Variants in ABCG2 observed in about 807,000 individuals in gnomAD.
The protein encoded by ABCG2 is broad substrate specificity ATP-binding cassette transporter ABCG2.
Under a neutral mutation model 73.5 loss-of-function variants are expected in ABCG2, and 80 were observed. That is an observed-to-expected ratio of 1.09 (90% CI 0.91 to 1.31). The LOEUF (loss-of-function observed/expected upper bound fraction) is 1.31. ABCG2 is among the 50% of genes most tolerant of loss of function. The pLI, the probability that ABCG2 is intolerant of heterozygous loss-of-function variation, is 0.00. For synonymous variants in ABCG2, 269 were observed against 282.4 expected (o/e 0.95, Z 0.48); for missense variants, 796 against 786.2 (o/e 1.01, Z -0.15).
intron 1 of ABCG2, among the ~76,000 whole-genome samples, chr4:88,181,522 A>G (rs1429851916): frequency 1.3e-5 from 2 of 152,094 alleles, no homozygotes; most frequent in African/African-American, 4.8e-5. Flanking sequence ...CTTGAGCCCA[A>G]GAGTTCAAGA....
intron 2 of ABCG2, among the ~76,000 whole-genome samples, chr4:88,133,112 C>T (rs760158182): frequency 1.2e-4 from 18 of 152,198 alleles, no homozygotes; most frequent in Non-Finnish European, 2.1e-4. Flanking sequence ...ATCTCCGTTA[C>T]ACTTACTGCT....
In ABCG2 at chr4:88,139,801, C is replaced by T. The variant is rs369630458; in HGVS notation, c.195G>A (p.Ser65=). ...CAAGTTCATGTACATACTTGATATT[C>T]GATAATATTTCTTTCTCAACTGGTT... is the stretch of plus-strand genomic sequence containing the variant. ...CRKPVEKEIL[S]NINGIMKPGL... Residue 65 remains serine, a synonymous_variant, in exon 2 of 16, where the codon TCG becomes TCA. Coordinates refer to ENST00000237612, the MANE Select transcript of ABCG2 (RefSeq NM_004827.3). 3.8e-5 allele frequency: 62 copies of T among 1,612,876 alleles called. No individual in the cohort carries two copies. Among genetic ancestry groups the T allele is most frequent in the African/African-American group, 8.0e-5 (6 of 74,888 alleles).
chr4:88,114,189 AAAAG>A (rs1305321000), intron 8 of ABCG2, among the ~76,000 whole-genome samples: 2 of 152,052 alleles, frequency 1.3e-5, no homozygotes, highest in Non-Finnish European at 2.9e-5. Context: ...TAAAAAGAGA[AAAAG>A]AAAGAAAAAG....
rs561810844 is a variant in ABCG2, at chr4:88,131,653, G to A, written c.378+150C>T. On this transcript the variant is annotated intron_variant, in intron 4 of 15. Coordinates refer to ENST00000237612, the MANE Select transcript of ABCG2 (RefSeq NM_004827.3). ...ATTCTCCCTGCCTTTTCACATAAGT[G>A]TCTATGAGAAATTAAGAAAAGCTGC... is the stretch of plus-strand genomic sequence containing the variant. 2.9e-5 allele frequency: 18 copies of A among 610,726 alleles called. 1 individual carries two copies. In the South Asian group the frequency reaches 3.9e-4, roughly 13 times the overall value. 37.8% of individuals were successfully genotyped at this position (610,726 alleles called of 1,614,324 possible). A position where few individuals can be genotyped will look rare whatever the true frequency, so the allele number is the denominator to read the frequency against.
At chr4:88,111,780 G>C (rs1486598112) in intron 9 of ABCG2, among the ~76,000 whole-genome samples, 2 of 152,084 alleles carry the variant, frequency 1.3e-5, no homozygotes, top group Non-Finnish European at 2.9e-5. Context: ...AATGTTTTGG[G>C]TGACAGAGGG....
chr4:88,217,695 T>C (rs1729864484), intron 1 of ABCG2, among the ~76,000 whole-genome samples: 1 of 151,360 alleles, frequency 6.6e-6, no homozygotes, highest in Admixed American at 6.6e-5. Context: ...TGCATGGGAC[T>C]AAACATGGTG....
chr4:88,097,583 A>G lies in ABCG2; in HGVS notation c.1517T>C (p.Phe506Ser). Reference sequence around the variant, plus strand: ...CATAAGGGTAAACATCATAACGAAGAAGGCATCTGCCTTTGGCTTCAATCC... The same window carrying G: ...CATAAGGGTAAACATCATAACGAAGGAGGCATCTGCCTTTGGCTTCAATCC... ...MLGLKPKADA[F>S]FVMMFTLMMV... is the part of the protein sequence containing the mutation. The change falls in exon 13 of 16, where the codon TTC becomes TCC. Residue 506 changes from phenylalanine (F) to serine (S), a missense_variant. By Grantham distance (155) the Phe-to-Ser change is radical (BLOSUM62 -2). Transcript: ENST00000237612. The G allele has an allele frequency of 6.2e-7, 1 of 1,614,118 alleles. No individual in the cohort carries two copies.
At chr4:88,217,973 T>TAAAAAAAA (rs34088003) in intron 1 of ABCG2, among the ~76,000 whole-genome samples, 1 of 139,750 alleles carries the variant, frequency 7.2e-6, no homozygotes, top group Non-Finnish European at 1.5e-5. Flanking sequence ...TTCTAAAAAT[T>TAAAAAAAA]AAAAAAAAAA....
At chr4:88,230,308 T>TATATATA (rs746680651) in intron 1 of ABCG2, among the ~76,000 whole-genome samples, 1,124 of 96,176 alleles carry the variant, frequency 0.012, 152 homozygotes, top group African/African-American at 0.042. Flanking sequence ...TATATATATA[T>TATATATA]TTTTTTTTTT....
At chr4:88,101,598 C>G (rs1039839295) in intron 10 of ABCG2, among the ~76,000 whole-genome samples, 2 of 152,086 alleles carry the variant, frequency 1.3e-5, no homozygotes, top group African/African-American at 4.8e-5. Context: ...GCCCCAACCC[C>G]CAATGTGATG....
chr4:88,141,628 C>A (rs1283495959), intron 1 of ABCG2, among the ~76,000 whole-genome samples: 2 of 152,148 alleles, frequency 1.3e-5, no homozygotes, highest in East Asian at 3.9e-4. Context: ...TAAATCCACT[C>A]TCTATGAAGA....
chr4:88,140,226 T>C (rs1447284424), intron 1 of ABCG2, among the ~76,000 whole-genome samples: 3 of 152,158 alleles, frequency 2.0e-5, no homozygotes, highest in Non-Finnish European at 4.4e-5. Context: ...TCCAATTAGA[T>C]GTCAAATACA....
At chr4:88,126,733 A>G (rs1724439162) in intron 5 of ABCG2, among the ~76,000 whole-genome samples, 1 of 152,206 alleles carries the variant, frequency 6.6e-6, no homozygotes, top group South Asian at 2.1e-4. Context: ...ACACCCCTTC[A>G]TGCTAAAAAC....
intron 1 of ABCG2, among the ~76,000 whole-genome samples, chr4:88,166,321 G>A (rs2110089804): frequency 6.6e-6 from 1 of 152,232 alleles, no homozygotes; most frequent in Admixed American, 6.5e-5. Context: ...ACCATCATTT[G>A]TTTCCCTAAA....
intron 1 of ABCG2, among the ~76,000 whole-genome samples, chr4:88,203,626 C>T (rs11932227): frequency 0.56 from 85,577 of 151,480 alleles, 26,093 homozygotes; most frequent in East Asian, 0.67. Flanking sequence ...TGGTGGTGGG[C>T]GCCTGTAATC....
At chr4:88,189,767 T>C (rs1442942606) in intron 1 of ABCG2, among the ~76,000 whole-genome samples, 1 of 152,202 alleles carries the variant, frequency 6.6e-6, no homozygotes, top group African/African-American at 2.4e-5. Flanking sequence ...CAATTGCTAA[T>C]ACCATGTTGA....
chr4:88,133,435 T>G (rs1725036971), intron 2 of ABCG2, among the ~76,000 whole-genome samples: 1 of 152,196 alleles, frequency 6.6e-6, no homozygotes, highest in Admixed American at 6.5e-5. Context: ...TCTTCCTTGT[T>G]AAGAGTCAGA....
At chr4:88,110,011 G>A (rs912439951) in intron 9 of ABCG2, among the ~76,000 whole-genome samples, 5 of 152,084 alleles carry the variant, frequency 3.3e-5, no homozygotes, top group Non-Finnish European at 7.4e-5. Context: ...GTGCAGTGGT[G>A]TAATCATAGT....
intron 1 of ABCG2, among the ~76,000 whole-genome samples, chr4:88,207,406 C>T (rs926767128): frequency 6.6e-6 from 1 of 152,104 alleles, no homozygotes; most frequent in Non-Finnish European, 1.5e-5. Context: ...ACATCCTAGT[C>T]TCCTTTTTAA....
Sources: allele counts gnomAD v4.1 joint callset (sites outside exome capture counted in the v4.1 genomes callset), GRCh38; gene constraint gnomAD v4.1.1; transcripts MANE v1.5; gene names NCBI Gene and HGNC (gene_info 2026-07-23, HGNC 2026-07-21).